The following OSBPL9 variants were observed in gnomAD, a reference collection of about 807,000 sequenced individuals.
OSBPL9 encodes oxysterol binding protein like 9.
OSBPL9 carries 40 observed loss-of-function variants against 106.6 expected under a neutral mutation model. That is an observed-to-expected ratio of 0.38 (90% CI 0.29 to 0.49). OSBPL9 has a LOEUF of 0.49. OSBPL9 is among the 20% of genes least tolerant of loss of function. OSBPL9 has a pLI of 0.97. For synonymous variants in OSBPL9, 269 were observed against 295.4 expected (o/e 0.91, Z 0.92); for missense variants, 609 against 887.2 (o/e 0.69, Z 3.98).
At chr1:51,670,388 T>C (rs1649592639) in intron 3 of OSBPL9, among the ~76,000 whole-genome samples, 1 of 152,252 alleles carries the variant, frequency 6.6e-6, no homozygotes, top group South Asian at 2.1e-4. Context: ...TTAGAGATGC[T>C]AGGTATGCCA....
At chr1:51,647,148 T>C (rs1646207439) in intron 1 of OSBPL9, among the ~76,000 whole-genome samples, 1 of 152,316 alleles carries the variant, frequency 6.6e-6, no homozygotes, top group Admixed American at 6.5e-5. Context: ...TTAGATTTTT[T>C]TAAAAGTACG....
chr1:51,559,570 C>T, the OSBPL9 span, among the ~76,000 whole-genome samples: 1 of 152,092 alleles, frequency 6.6e-6, no homozygotes, highest in African/African-American at 2.4e-5. Context: ...ATAAGACCCC[C>T]CATTTTATTC....
intron 15 of OSBPL9, among the ~76,000 whole-genome samples, chr1:51,779,129 G>A (rs1216793758): frequency 6.6e-6 from 1 of 152,152 alleles, no homozygotes; most frequent in Non-Finnish European, 1.5e-5. Context: ...GAAATATTCT[G>A]TTTTTTGATT....
chr1:51,654,407 A>G (rs915497139), intron 2 of OSBPL9, among the ~76,000 whole-genome samples: 1 of 152,206 alleles, frequency 6.6e-6, no homozygotes, highest in Non-Finnish European at 1.5e-5. Flanking sequence ...TGGTGCAGTT[A>G]AAATAGGCAA....
At chr1:51,655,753 A>T (rs2148715795) in intron 2 of OSBPL9, among the ~76,000 whole-genome samples, 1 of 152,280 alleles carries the variant, frequency 6.6e-6, no homozygotes, top group Non-Finnish European at 1.5e-5. Context: ...TGAGTGGAAA[A>T]GGGAAGCTAT....
At chr1:51,597,423 A>ATGTGTG (rs71063046) in intron 1 of OSBPL9, among the ~76,000 whole-genome samples, 3 of 135,800 alleles carry the variant, frequency 2.2e-5, no homozygotes, top group African/African-American at 5.9e-5. Flanking sequence ...ATATATATAT[A>ATGTGTG]TGTGTGTGTG....
At chr1:51,575,194 T>TTTAG (rs1553147451), upstream of OSBPL9, among the ~76,000 whole-genome samples, 6 of 151,818 alleles carry the variant, frequency 4.0e-5, no homozygotes, top group Non-Finnish European at 5.9e-5. Context: ...AATATCTAGG[T>TTTAG]TTTGTTTGTT....
intron 1 of OSBPL9, among the ~76,000 whole-genome samples, chr1:51,597,306 T>C (rs746677211): frequency 6.6e-6 from 1 of 152,032 alleles, no homozygotes; most frequent in Non-Finnish European, 1.5e-5. Flanking sequence ...CTTTAGCTGC[T>C]GTGTGCTAAG....
chr1:51,701,186 C>T (rs1180240283), intron 3 of OSBPL9, among the ~76,000 whole-genome samples: 5 of 152,130 alleles, frequency 3.3e-5, no homozygotes, highest in South Asian at 2.1e-4. Context: ...GTGATCCACC[C>T]GCCTCGGCCA....
At chr1:51,733,770 G>C (rs1665013439) in intron 4 of OSBPL9, among the ~76,000 whole-genome samples, 1 of 150,950 alleles carries the variant, frequency 6.6e-6, no homozygotes, top group Admixed American at 6.6e-5. Flanking sequence ...GCGAGACTCT[G>C]TCTCAAAAAC....
intron 1 of OSBPL9, among the ~76,000 whole-genome samples, chr1:51,650,358 G>A (rs1456225468): frequency 6.6e-6 from 1 of 151,984 alleles, no homozygotes; most frequent in Non-Finnish European, 1.5e-5. Flanking sequence ...ACCTCATCAG[G>A]GATTTTCAAA....
At chr1:51,617,994 GGTT>G (rs991844094) in intron 1 of OSBPL9, among the ~76,000 whole-genome samples, 1 of 143,852 alleles carries the variant, frequency 7.0e-6, no homozygotes, top group Non-Finnish European at 1.6e-5. Flanking sequence ...AATCTTACGT[GGTT>G]GTGTGTGTGT....
At chr1:51,777,397 C>T (rs1336644300) in intron 15 of OSBPL9, among the ~76,000 whole-genome samples, 1 of 152,024 alleles carries the variant, frequency 6.6e-6, no homozygotes. Context: ...ATAAAGCTTG[C>T]AATATTATAT....
chr1:51,740,525 T>G (rs1394234713), intron 4 of OSBPL9, among the ~76,000 whole-genome samples: 1 of 152,152 alleles, frequency 6.6e-6, no homozygotes, highest in African/African-American at 2.4e-5. Flanking sequence ...ATAACTTACC[T>G]GTTTTTCTTG....
At chr1:51,644,941 T>G (rs951918430) in intron 1 of OSBPL9, among the ~76,000 whole-genome samples, 1 of 152,188 alleles carries the variant, frequency 6.6e-6, no homozygotes, top group Admixed American at 6.5e-5. Flanking sequence ...CCAGCATTCA[T>G]GTGTTGGAAA....
intron 4 of OSBPL9, among the ~76,000 whole-genome samples, chr1:51,723,928 G>A (rs1398714564): frequency 1.3e-5 from 2 of 152,058 alleles, no homozygotes; most frequent in Admixed American, 1.3e-4. Context: ...AGAATTCTAG[G>A]TTGGTATTTT....
chr1:51,621,728 C>T (rs931777217), intron 1 of OSBPL9, among the ~76,000 whole-genome samples: 2 of 151,844 alleles, frequency 1.3e-5, no homozygotes, highest in Non-Finnish European at 2.9e-5. Flanking sequence ...CTCTAGTTCT[C>T]CCTCTCTTTT....
At chr1:51,711,135 T>C (rs1659713812) in intron 3 of OSBPL9, among the ~76,000 whole-genome samples, 1 of 151,950 alleles carries the variant, frequency 6.6e-6, no homozygotes, top group Non-Finnish European at 1.5e-5. Context: ...AACCATCCGA[T>C]TTCTCAATCT....
intron 1 of OSBPL9, among the ~76,000 whole-genome samples, chr1:51,591,097 T>C (rs1053695859): frequency 5.9e-5 from 9 of 152,034 alleles, no homozygotes; most frequent in Non-Finnish European, 1.2e-4. Flanking sequence ...TTTTTGTATT[T>C]TTAGTAGAGA....
Sources: gnomAD v4.1 joint callset for allele counts (sites outside exome capture counted in the v4.1 genomes callset) on GRCh38, gnomAD v4.1.1 for gene constraint, MANE v1.5 for transcripts, NCBI Gene and HGNC (gene_info 2026-07-23, HGNC 2026-07-21) for gene names.